The following BDKRB2 variants were observed in gnomAD, a reference collection of about 807,000 sequenced individuals.
The protein encoded by BDKRB2 is bradykinin receptor B2.
A neutral mutation model predicts 4.0 loss-of-function variants in BDKRB2; 6 were observed. The ratio of observed to expected loss-of-function variants is 1.49; its 90% CI spans 0.81 to 2.93. The LOEUF (loss-of-function observed/expected upper bound fraction) is 2.93, where lower values mean the gene tolerates loss of function less well. BDKRB2 is among the 30% of genes most tolerant of loss of function. The probability of loss-of-function intolerance (pLI) is 0.00; values close to 1 mark genes in which losing one functional copy is unlikely to be tolerated. For synonymous variants in BDKRB2, 225 were observed against 215.3 expected (o/e 1.05, Z -0.40); for missense variants, 478 against 520.1 (o/e 0.92, Z 0.79).
At chr14:96,210,158 A>T (rs1277578294) in intron 1 of BDKRB2, among the ~76,000 whole-genome samples, 6 of 152,190 alleles carry the variant, frequency 3.9e-5, no homozygotes, top group Admixed American at 3.3e-4. Context: ...AGGGTGAAAT[A>T]CAACAGAGCT....
At chr14:96,207,516 C>T (rs1422991596) in intron 1 of BDKRB2, among the ~76,000 whole-genome samples, 1 of 152,140 alleles carries the variant, frequency 6.6e-6, no homozygotes, top group African/African-American at 2.4e-5. Flanking sequence ...TTCTGTATGA[C>T]ACTGTAATGG....
intron 1 of BDKRB2, among the ~76,000 whole-genome samples, chr14:96,230,789 G>A (rs1197244687): frequency 6.6e-6 from 1 of 152,066 alleles, no homozygotes; most frequent in Non-Finnish European, 1.5e-5. Flanking sequence ...GCTAATTTTT[G>A]TATTTTTGTA....
intron 1 of BDKRB2, among the ~76,000 whole-genome samples, chr14:96,220,165 C>T (rs1223376580): frequency 6.6e-6 from 1 of 152,004 alleles, no homozygotes; most frequent in African/African-American, 2.4e-5. Context: ...TCCCCAAGGG[C>T]ATAGGGCAGA....
At chr14:96,225,991 T>C (rs1194436429) in intron 1 of BDKRB2, among the ~76,000 whole-genome samples, 1 of 152,156 alleles carries the variant, frequency 6.6e-6, no homozygotes, top group Non-Finnish European at 1.5e-5. Flanking sequence ...GAAACAGCCT[T>C]CCTGGACACA....
intron 1 of BDKRB2, among the ~76,000 whole-genome samples, chr14:96,220,617 C>T (rs1410106614): frequency 6.6e-6 from 1 of 150,742 alleles, no homozygotes; most frequent in East Asian, 2.0e-4. Context: ...CTGCCCCTCC[C>T]TCCCCACCCC....
At chr14:96,238,889 G>T (rs567592148) in intron 2 of BDKRB2, 23 of 986,444 alleles carry the variant, frequency 2.3e-5, no homozygotes, top group Middle Eastern at 1.0e-3. Flanking sequence ...CAGGGGCCGG[G>T]TGGTGTCTTC....
rs2069588 is a variant in BDKRB2 at position 96,242,330 on chromosome 14, T to A, written c.*826T>A. On this transcript the variant is annotated 3_prime_UTR_variant, in exon 3 of 3. Transcript: ENST00000554311. The stretch of plus-strand genomic sequence containing the variant: ...TCAACCAATAACTATTGCACAACCA[T>A]CTGTCCCTGCCTCAGTTCCCTCTTC... 2 of 152,200 alleles carry A rather than the reference T, an allele frequency of 1.3e-5. No homozygotes were observed. The highest frequency in any genetic ancestry group is 2.9e-5 in the Non-Finnish European group (2 of 68,048). 9.4% of individuals were successfully genotyped at this position (152,200 alleles called of 1,614,324 possible). A position where few individuals can be genotyped will look rare whatever the true frequency, so the allele number is the denominator to read the frequency against.
chr14:96,223,816 T>C (rs1251046197), intron 1 of BDKRB2, among the ~76,000 whole-genome samples: 2 of 147,902 alleles, frequency 1.4e-5, no homozygotes, highest in African/African-American at 5.1e-5. Flanking sequence ...GTTTTTATAA[T>C]CTAAAAAAAA....
chr14:96,238,723 C>T (rs885819), intron 2 of BDKRB2: 4 of 981,980 alleles, frequency 4.1e-6, no homozygotes, highest in Admixed American at 6.1e-5. Context: ...CTTCTTGTCC[C>T]GTCAAAATGC....
intron 1 of BDKRB2, among the ~76,000 whole-genome samples, chr14:96,205,339 C>G (rs1890149690): frequency 1.3e-5 from 2 of 152,164 alleles, no homozygotes; most frequent in Admixed American, 1.3e-4. Flanking sequence ...GCTCCAGAAC[C>G]TGGCTTTTCA....
At chr14:96,208,731 A>G (rs1421528300) in intron 1 of BDKRB2, among the ~76,000 whole-genome samples, 1 of 152,134 alleles carries the variant, frequency 6.6e-6, no homozygotes, top group Non-Finnish European at 1.5e-5. Context: ...TGTCCAGGCA[A>G]TGAGCCTGTG....
At chr14:96,219,057 G>C (rs144100145) in intron 1 of BDKRB2, among the ~76,000 whole-genome samples, 2 of 151,882 alleles carry the variant, frequency 1.3e-5, no homozygotes, top group African/African-American at 4.8e-5. Flanking sequence ...TAATCACAGC[G>C]CTTTGGGAGG....
At chr14:96,239,938 G>A in intron 2 of BDKRB2, 4 of 986,424 alleles carry the variant, frequency 4.1e-6, no homozygotes, top group Non-Finnish European at 3.6e-6. Context: ...CTCCAAGCCA[G>A]ACTGGAATCT....
intron 1 of BDKRB2, chr14:96,223,009 T>C (rs1890609708): frequency 3.0e-6 from 2 of 658,476 alleles, no homozygotes; most frequent in Non-Finnish European, 5.6e-6. Context: ...AACTGGAAGT[T>C]GGAAGAAAAG....
chr14:96,230,772 A>G (rs1890801568), intron 1 of BDKRB2, among the ~76,000 whole-genome samples: 1 of 152,128 alleles, frequency 6.6e-6, no homozygotes, highest in Non-Finnish European at 1.5e-5. Flanking sequence ...ACCCACCATC[A>G]TGCCCAGCTA....
chr14:96,231,971 G>A (rs1420382101), intron 1 of BDKRB2, among the ~76,000 whole-genome samples: 1 of 152,158 alleles, frequency 6.6e-6, no homozygotes, highest in Non-Finnish European at 1.5e-5. Context: ...CTCCTGGATG[G>A]ACAGACTGGT....
At chr14:96,205,264 A>G (rs79611026) in intron 1 of BDKRB2, among the ~76,000 whole-genome samples, 2,449 of 152,140 alleles carry the variant, frequency 0.016, 120 homozygotes, top group East Asian at 0.16. Flanking sequence ...ACATACTTTG[A>G]GTGGACACCT....
chr14:96,224,460 A>G lies in BDKRB2; in HGVS notation c.-39-12609A>G, dbSNP rs560734285. Among the ~76,000 whole-genome samples, 167 of 152,320 alleles carry G rather than the reference A, an allele frequency of 1.1e-3. No individual in the cohort carries two copies. The Middle Eastern group carries it at 0.014, about 12-fold the overall frequency. On this transcript the variant is annotated intron_variant, in intron 1 of 2. Coordinates refer to ENST00000554311, the MANE Select transcript of BDKRB2 (RefSeq NM_001379692.1). ...CTCTGTAATGTGCTTAAAAATATGG[A>G]AACAATATAAATGAAATGAAGATAT...
Position 96,243,714 on chromosome 14 carries a change from C to CT in BDKRB2, c.*2216dup, listed in dbSNP as rs1885364700. On this transcript the variant is annotated 3_prime_UTR_variant, in exon 3 of 3. Coordinates refer to ENST00000554311, the MANE Select transcript of BDKRB2 (RefSeq NM_001379692.1). ...ATTCCCTCCTTACCCCCAACCCACT[C>CT]TTTTTTCCCACCACCCACTCTCCTC... is the stretch of plus-strand genomic sequence containing the variant. The CT allele has an allele frequency of 1.9e-5, 3 of 153,936 alleles. No homozygotes were observed. 9.5% of individuals were successfully genotyped at this position (153,936 alleles called of 1,614,324 possible).
Sources: allele counts gnomAD v4.1 joint callset (sites outside exome capture counted in the v4.1 genomes callset), GRCh38; gene constraint gnomAD v4.1.1; transcripts MANE v1.5; gene names NCBI Gene and HGNC (gene_info 2026-07-23, HGNC 2026-07-21).